Variants in KCNAB3 observed in about 807,000 individuals in gnomAD.
The protein encoded by KCNAB3 is potassium voltage-gated channel subfamily A regulatory beta subunit 3.
KCNAB3 carries 62 observed loss-of-function variants against 67.7 expected under a neutral mutation model. That is an observed-to-expected ratio of 0.92 (90% CI 0.75 to 1.13). KCNAB3 has a LOEUF of 1.13. Among genes scored for constraint, KCNAB3 ranks in the 50% most tolerant of loss-of-function variants. The pLI is 0.00. For synonymous variants in KCNAB3, 212 were observed against 205.4 expected (o/e 1.03, Z -0.27); for missense variants, 514 against 522.9 (o/e 0.98, Z 0.17).
chr17:7,924,885 A>C (rs1475866586), intron 8 of KCNAB3: 1 of 571,008 alleles, frequency 1.8e-6, no homozygotes, highest in Non-Finnish European at 3.0e-6. Flanking sequence ...TGGGAGTACA[A>C]GGCACACACC....
At position 7,923,776 on chromosome 17, in the gene KCNAB3, G is replaced by C. The variant is rs1972128357; in HGVS notation, c.983C>G (p.Ala328Gly). Residue 328 changes from alanine (A) to glycine (G), a missense_variant, in exon 12 of 14, where the codon GCC becomes GGC. Physicochemically the swap from Ala to Gly is moderately conservative, Grantham distance 60. Coordinates refer to ENST00000303790, the MANE Select transcript of KCNAB3 (RefSeq NM_004732.4). ...GACAGGAAGAAGGTCCATGACTTTG[G>C]CTTGTTGCTTCTTGCCATCTTCACT... The part of the protein sequence containing the change: ...VQSEDGKKQQ[A>G]KVMDLLPVAH... The C allele has an allele frequency of 6.3e-7, 1 of 1,581,074 alleles. No individual in the cohort carries two copies. The highest frequency in any genetic ancestry group is 8.6e-7 in the Non-Finnish European group (1 of 1,162,642).
At chr17:7,926,588 G>T (rs1972240369) in intron 4 of KCNAB3, among the ~76,000 whole-genome samples, 1 of 152,192 alleles carries the variant, frequency 6.6e-6, no homozygotes, top group African/African-American at 2.4e-5. Flanking sequence ...ACATAATTTA[G>T]CATAAAATTA....
At chr17:7,923,268 G>T in intron 13 of KCNAB3, 89 bp from the exon 14 acceptor site, 1 of 1,364,872 alleles carries the variant, frequency 7.3e-7, no homozygotes. Context: ...AAGCACCACA[G>T]TGGGGTCAAG....
intron 7 of KCNAB3, 30 bp from the exon 8 acceptor site, chr17:7,925,213 G>A (rs1452460265): frequency 1.9e-6 from 3 of 1,572,498 alleles, no homozygotes; most frequent in Non-Finnish European, 2.6e-6. Flanking sequence ...AAGAAAATAA[G>A]CACCTCAGCT....
chr17:7,927,940 G>C (rs1300979929), intron 1 of KCNAB3, 114 bp from the exon 2 acceptor site: 2 of 1,274,092 alleles, frequency 1.6e-6, no homozygotes, highest in Non-Finnish European at 2.3e-6. Flanking sequence ...TCAGTCCAAA[G>C]AAATTAGACC....
chr17:7,927,826 C>T lies in KCNAB3; in HGVS notation c.243G>A (p.Arg81=). The part of the protein sequence containing the change: ...STGRGTGMKY[R]NLGKSGLRVS... ...CCCGAAGACCAGACTTCCCTAGGTT[C>T]CTGCAAGATACAGAAGCAGCGGGAA... Residue 81 remains arginine, a splice_region_variant and synonymous_variant, in exon 2 of 14, where the codon AGG becomes AGA. Transcript: ENST00000303790. 1.2e-6 allele frequency: 2 copies of T among 1,614,116 alleles called. No individual in the cohort carries two copies. The highest frequency in any genetic ancestry group is 2.2e-5 in the South Asian group (2 of 91,076).
Position 7,925,684 on chromosome 17 carries a change from C to A in KCNAB3, c.537G>T (p.Glu179Asp). ...GGGTTTCCAGCCCCTAACTCTCACC[C>A]TCAATGATGTGCTTTCGGCTTAAAC... ...ERGLSRKHIIEGLRGSLERLQ... is the reference protein window; with the variant it reads ...ERGLSRKHIIDGLRGSLERLQ... The change falls in exon 7 of 14, where the codon GAG becomes GAT. Residue 179 changes from glutamate (E) to aspartate (D), a missense_variant and splice_region_variant. Coordinates refer to ENST00000303790, the MANE Select transcript of KCNAB3 (RefSeq NM_004732.4). The A allele has an allele frequency of 3.7e-6, 6 of 1,614,122 alleles. No homozygotes were observed. The highest frequency in any genetic ancestry group is 5.1e-6 in the Non-Finnish European group (6 of 1,180,012).
At position 7,923,044 on chromosome 17, in the gene KCNAB3, G is replaced by A. The variant is rs927905356; in HGVS notation, c.*58C>T. On this transcript the variant is annotated 3_prime_UTR_variant, in exon 14 of 14. Transcript: ENST00000303790. The stretch of plus-strand genomic sequence containing the variant: ...TCCGGAGCGGGAGAGGCGGCTGCGA[G>A]GAGCGGGGCTCGGGCGGGTGCAGCG... 43 of 1,530,900 alleles carry A rather than the reference G, an allele frequency of 2.8e-5. No homozygotes were observed. Among genetic ancestry groups the A allele is most frequent in the Middle Eastern group, 3.5e-4 (2 of 5,750 alleles). The allele number at this position is 1,530,900 out of a possible 1,614,324, so 94.8% of individuals were successfully genotyped here. A position where few individuals can be genotyped will look rare whatever the true frequency, so the allele number is the denominator to read the frequency against.
chr17:7,929,298 A>AC lies in KCNAB3; in HGVS notation c.137dup (p.Gly47TrpfsTer62), dbSNP rs757496409. 18 of 1,568,728 alleles carry AC rather than the reference A, an allele frequency of 1.1e-5. No homozygotes were observed. Among genetic ancestry groups the AC allele is most frequent in the Non-Finnish European group, 1.5e-5 (17 of 1,158,138 alleles). ...CTCGGGCCTTGGGGCCAGACCCTCC[A>AC]CCCCCCGGAGGATTCCCGTGCCCCC... On this transcript the variant is annotated frameshift_variant, in exon 1 of 14. Transcript: ENST00000303790. LOFTEE classifies it high-confidence loss of function. This position sits in a 1 kb window ranked among gnomAD's most constrained non-coding sequence, Gnocchi z 5.7.
chr17:7,924,157 A>G lies in KCNAB3; in HGVS notation c.820T>C (p.Tyr274His). ...EKVEMQLPELYHKIGVGSVTW... is the reference protein window; with the variant it reads ...EKVEMQLPELHHKIGVGSVTW... ...GAGGGCTGCAAACCAATCTTGTGGT[A>G]GAGCTCTGGCAGCTGCATCTCCACC... Residue 274 changes from tyrosine (Y) to histidine (H), a missense_variant, in exon 10 of 14, where the codon TAC (tyrosine) becomes CAC (histidine). Physicochemically the swap from Tyr to His is moderately conservative, Grantham distance 83. Transcript: ENST00000303790. The G allele has an allele frequency of 6.2e-7, 1 of 1,614,222 alleles. No individual in the cohort carries two copies. The highest frequency in any genetic ancestry group is 8.5e-7 in the Non-Finnish European group (1 of 1,180,038).
intron 5 of KCNAB3, 39 bp from the exon 6 acceptor site, chr17:7,926,014 T>C: frequency 1.2e-6 from 2 of 1,614,112 alleles, no homozygotes; most frequent in Non-Finnish European, 1.7e-6. Flanking sequence ...AAGAAAAGGA[T>C]TTTTGGGTGA....
rs1972307556 is a variant in KCNAB3, at chr17:7,928,438, C to T, written c.243-612G>A. 4 of 162,784 alleles carry T rather than the reference C, an allele frequency of 2.5e-5. No individual in the cohort carries two copies. The South Asian group carries it at 6.5e-4, about 26-fold the overall frequency. 10.1% of individuals were successfully genotyped at this position (162,784 alleles called of 1,614,324 possible). A position where few individuals can be genotyped will look rare whatever the true frequency, so the allele number is the denominator to read the frequency against. On this transcript the variant is annotated intron_variant, in intron 1 of 13. Coordinates refer to ENST00000303790, the MANE Select transcript of KCNAB3 (RefSeq NM_004732.4). ...TTGACTTGTGAAGACTGTCTCTGAACCAGTGAGCCCCCTCATCCTCCCAAA... is the reference window on the plus strand; with the variant it reads ...TTGACTTGTGAAGACTGTCTCTGAATCAGTGAGCCCCCTCATCCTCCCAAA...
At chr17:7,928,169 G>T in intron 1 of KCNAB3, 1 of 421,006 alleles carries the variant, frequency 2.4e-6, no homozygotes, top group African/African-American at 2.0e-5. Flanking sequence ...GTGAGGGGCT[G>T]GGAGGAATTT....
intron 8 of KCNAB3, chr17:7,924,802 G>A (rs1380567201): frequency 2.5e-5 from 20 of 799,714 alleles, no homozygotes; most frequent in Non-Finnish European, 3.4e-5. Flanking sequence ...TAGTTCAGTG[G>A]TGCAATCATA....
intron 9 of KCNAB3, 39 bp from the exon 10 acceptor site, chr17:7,924,304 T>C (rs2151715000): frequency 6.2e-7 from 1 of 1,612,834 alleles, no homozygotes; most frequent in South Asian, 1.1e-5. Flanking sequence ...GTCAGAGCAC[T>C]ACTTCCGTTT....
chr17:7,927,992 G>A, intron 1 of KCNAB3, 166 bp from the exon 2 acceptor site: 1 of 727,602 alleles, frequency 1.4e-6, no homozygotes, highest in Non-Finnish European at 2.3e-6. Context: ...CTCCAGAGCA[G>A]AGGTCCTAGG....
chr17:7,928,138 G>C (rs935122510), intron 1 of KCNAB3: 3 of 515,932 alleles, frequency 5.8e-6, no homozygotes, highest in Non-Finnish European at 1.1e-5. Context: ...CTGTGTTTGA[G>C]TCATCTGTGG....
At chr17:7,923,919 A>C (rs1972135436) in intron 11 of KCNAB3, 49 bp downstream of exon 11, 1 of 1,394,520 alleles carries the variant, frequency 7.2e-7, no homozygotes, top group Non-Finnish European at 9.6e-7. Flanking sequence ...ACTCCCCCCA[A>C]AGCAGCCCAT....
rs1194288569 is a variant in KCNAB3 at position 7,927,820 on chromosome 17, T to A, written c.249A>T (p.Leu83=). 6.2e-7 allele frequency: 1 copy of A among 1,614,108 alleles called. No individual in the cohort carries two copies. The highest frequency in any genetic ancestry group is 1.7e-5 in the Admixed American group (1 of 60,026). The part of the protein sequence containing the change: ...GRGTGMKYRN[L]GKSGLRVSCL... Reference sequence around the variant, plus strand: ...AGGATACCCGAAGACCAGACTTCCCTAGGTTCCTGCAAGATACAGAAGCAG... The same window carrying A: ...AGGATACCCGAAGACCAGACTTCCCAAGGTTCCTGCAAGATACAGAAGCAG... Residue 83 remains leucine, a synonymous_variant, in exon 2 of 14, where the codon CTA becomes CTT. Coordinates refer to ENST00000303790, the MANE Select transcript of KCNAB3 (RefSeq NM_004732.4).
Sources: allele counts gnomAD v4.1 joint callset (sites outside exome capture counted in the v4.1 genomes callset), GRCh38; gene constraint gnomAD v4.1.1; non-coding constraint Gnocchi (gnomAD v3.1); transcripts MANE v1.5; gene names NCBI Gene and HGNC (gene_info 2026-07-23, HGNC 2026-07-21).